Variants in MDN1 observed in about 807,000 individuals in gnomAD.
The protein encoded by MDN1 is midasin.
A neutral mutation model predicts 669.2 loss-of-function variants in MDN1; 266 were observed. The ratio of observed to expected loss-of-function variants is 0.40; its 90% CI spans 0.36 to 0.44. The LOEUF (loss-of-function observed/expected upper bound fraction) is 0.44, where lower values mean the gene tolerates loss of function less well. Ranked by LOEUF, MDN1 falls within the 20% of genes least tolerant of loss-of-function variation. The pLI is 1.00. For synonymous variants in MDN1, 2,385 were observed against 2,457.1 expected (o/e 0.97, Z 0.87); for missense variants, 5,940 against 6,754.0 (o/e 0.88, Z 4.22).
chr6:89,766,733 A>G (rs9362681), intron 15 of MDN1, among the ~76,000 whole-genome samples: 57,650 of 152,126 alleles, frequency 0.38, 12,328 homozygotes, highest in East Asian at 0.65. Context: ...TAAAATGTAC[A>G]TGCTGAGTAA....
chr6:89,803,270 G>A (rs1767781588), intron 2 of MDN1, 58 bp downstream of exon 2: 8 of 1,443,416 alleles, frequency 5.5e-6, no homozygotes, highest in Admixed American at 1.7e-5. Flanking sequence ...TTACATCCCA[G>A]GAGACAGCAG....
At chr6:89,801,371 G>A (rs1767647395) in intron 2 of MDN1, among the ~76,000 whole-genome samples, 1 of 152,100 alleles carries the variant, frequency 6.6e-6, no homozygotes, top group Non-Finnish European at 1.5e-5. Context: ...ACAAAAGTTA[G>A]GCCAGGCGCA....
At chr6:89,748,245 G>A (rs1324135292) in intron 26 of MDN1, among the ~76,000 whole-genome samples, 2 of 152,136 alleles carry the variant, frequency 1.3e-5, no homozygotes, top group East Asian at 3.8e-4. Context: ...GGAATTGCTT[G>A]AACCCGGGAG....
intron 62 of MDN1, 120 bp from the exon 63 acceptor site, chr6:89,693,268 A>G: frequency 1.5e-6 from 1 of 671,286 alleles, no homozygotes; most frequent in Non-Finnish European, 2.5e-6. Flanking sequence ...TAATATTTCC[A>G]ATATCATCTC....
At position 89,794,668 on chromosome 6, in the gene MDN1, A is replaced by G. The variant is rs1468653961; in HGVS notation, c.463T>C (p.Phe155Leu). Reference sequence around the variant, plus strand: ...AACACAGACTGCTCCTGCTGCAGAAACTTGAAGGCTGCTTCCATTAGGTCC... The same window carrying G: ...AACACAGACTGCTCCTGCTGCAGAAGCTTGAAGGCTGCTTCCATTAGGTCC... ...LRDLMEAAFK[F>L]LQQEQSVFRE... The change falls in exon 3 of 102, where the codon TTT (phenylalanine) becomes CTT (leucine). Residue 155 changes from phenylalanine to leucine, a missense_variant. Around this residue, in one of 5 missense-constraint regions of MDN1, gnomAD observed 1,203 missense variants for 1,268.9 expected, o/e 0.95. Transcript: ENST00000369393. 6.2e-7 allele frequency: 1 copy of G among 1,614,026 alleles called. No homozygotes were observed. Among genetic ancestry groups the G allele is most frequent in the African/African-American group, 1.3e-5 (1 of 74,912 alleles).
chr6:89,696,245 C>T (rs1812728484), intron 60 of MDN1, 115 bp downstream of exon 60: 1 of 1,185,382 alleles, frequency 8.4e-7, no homozygotes, highest in Non-Finnish European at 1.2e-6. Context: ...AGAAAATACC[C>T]TCACTTCAAA....
In MDN1 at chr6:89,643,729, T is replaced by C. The variant is rs1808303183; in HGVS notation, c.*276A>G. On this transcript the variant is annotated 3_prime_UTR_variant, in exon 102 of 102. Coordinates refer to ENST00000369393, the MANE Select transcript of MDN1 (RefSeq NM_014611.3). ...GCAGCTGGGCTCCAACGGTGGGGTATGACCTCCTCCCAGGCCAGGGCTTCC... is the reference window on the plus strand; with the variant it reads ...GCAGCTGGGCTCCAACGGTGGGGTACGACCTCCTCCCAGGCCAGGGCTTCC... The C allele has an allele frequency of 3.2e-6, 1 of 309,590 alleles. No individual in the cohort carries two copies. The allele number at this position is 309,590 out of a possible 1,614,324, so 19.2% of individuals were successfully genotyped here.
intron 90 of MDN1, among the ~76,000 whole-genome samples, chr6:89,657,325 A>G (rs933339875): frequency 6.6e-6 from 1 of 152,214 alleles, no homozygotes; most frequent in African/African-American, 2.4e-5. Context: ...AATGGTTGTT[A>G]TTGTCAGTAA....
At chr6:89,778,431 C>T (rs1483709006) in intron 11 of MDN1, among the ~76,000 whole-genome samples, 1 of 151,916 alleles carries the variant, frequency 6.6e-6, no homozygotes, top group African/African-American at 2.4e-5. Context: ...CAGTAATAAG[C>T]AGGAAAACTT....
At chr6:89,692,348 TC>T in intron 63 of MDN1, 94 bp downstream of exon 63, 1 of 1,078,576 alleles carries the variant, frequency 9.3e-7, no homozygotes, top group South Asian at 1.6e-5. Context: ...ACACTGTGTA[TC>T]TACTAGGCAT....
chr6:89,722,035 A>C (rs141471225), intron 40 of MDN1, among the ~76,000 whole-genome samples: 1 of 152,222 alleles, frequency 6.6e-6, no homozygotes, highest in Non-Finnish European at 1.5e-5. Context: ...TACCTGTGAC[A>C]CTCCATAACT....
chr6:89,793,358 C>T (rs527609453), intron 5 of MDN1, among the ~76,000 whole-genome samples: 2 of 152,288 alleles, frequency 1.3e-5, no homozygotes, highest in African/African-American at 4.8e-5. Context: ...AGAAGATATA[C>T]GGAACAGCTC....
intron 27 of MDN1, 44 bp from the exon 28 acceptor site, chr6:89,745,670 T>C (rs199757922): frequency 1.3e-6 from 2 of 1,581,178 alleles, no homozygotes; most frequent in African/African-American, 1.3e-5. Context: ...TCATCAAGTG[T>C]CTACCGGGAA....
At chr6:89,815,419 G>A (rs1454159647) in intron 1 of MDN1, 5 of 366,548 alleles carry the variant, frequency 1.4e-5, no homozygotes, top group Non-Finnish European at 2.7e-5. Flanking sequence ...AGCCCTGTCT[G>A]ACCACCAAGG....
Position 89,756,330 on chromosome 6 carries a change from T to C in MDN1, c.2763A>G (p.Val921=). The change falls in exon 20 of 102, where the codon GTA becomes GTG. Residue 921 remains valine, a synonymous_variant. Transcript: ENST00000369393. ...TCACACTCAATCCTTTCAGATAATC[T>C]ACAATAAGAACCTGTAAGTCTTCTT... ...ESKEDLQVLI[V]DYLKGLSVNK... 6.2e-7 allele frequency: 1 copy of C among 1,604,598 alleles called. No individual in the cohort carries two copies. Among genetic ancestry groups the C allele is most frequent in the Non-Finnish European group, 8.5e-7 (1 of 1,175,338 alleles).
intron 86 of MDN1, among the ~76,000 whole-genome samples, chr6:89,662,468 G>A (rs1447966481): frequency 6.6e-6 from 1 of 152,088 alleles, no homozygotes; most frequent in Non-Finnish European, 1.5e-5. Flanking sequence ...GCTTCACCCT[G>A]GGCTGTTGCA....
rs554074501 is a variant in MDN1 at position 89,654,395 on chromosome 6, A to G, written c.15491-61T>C. 33 of 1,584,776 alleles carry G rather than the reference A, an allele frequency of 2.1e-5. No individual in the cohort carries two copies. In the Admixed American group the frequency reaches 4.0e-4, roughly 19 times the overall value. ...TAGGTCTTTGCAGAACAAAATAATA[A>G]TAAGTGGGTATGGTTTCTGTCATTC... is the stretch of plus-strand genomic sequence containing the variant. On this transcript the variant is annotated intron_variant, in intron 92 of 101. Coordinates refer to ENST00000369393, the MANE Select transcript of MDN1 (RefSeq NM_014611.3).
chr6:89,762,541 C>A lies in MDN1; in HGVS notation c.2145-11G>T. 6.3e-7 allele frequency: 1 copy of A among 1,594,286 alleles called. No individual in the cohort carries two copies. The highest frequency in any genetic ancestry group is 8.6e-7 in the Non-Finnish European group (1 of 1,165,564). Reference sequence around the variant, plus strand: ...TCCACCGGTTTATAACTGAAACAGACACAGGTAAATGTGATTCACAAACTT... The same window carrying A: ...TCCACCGGTTTATAACTGAAACAGAAACAGGTAAATGTGATTCACAAACTT... On this transcript the variant is annotated splice_polypyrimidine_tract_variant and intron_variant, in intron 15 of 101. Coordinates refer to ENST00000369393, the MANE Select transcript of MDN1 (RefSeq NM_014611.3).
At chr6:89,800,715 T>C (rs1456248574) in intron 2 of MDN1, among the ~76,000 whole-genome samples, 1 of 152,186 alleles carries the variant, frequency 6.6e-6, no homozygotes, top group Non-Finnish European at 1.5e-5. Flanking sequence ...CTCTGATTGA[T>C]AGCCTTTTGG....
Sources: gnomAD v4.1 joint callset for allele counts (sites outside exome capture counted in the v4.1 genomes callset) on GRCh38, gnomAD v4.1.1 for gene constraint, gnomAD v4.1.1 regional missense constraint, MANE v1.5 for transcripts, NCBI Gene and HGNC (gene_info 2026-07-23, HGNC 2026-07-21) for gene names.